Variants in HPS4 observed in about 807,000 individuals in gnomAD.
HPS4 encodes the protein HPS4 biogenesis of lysosomal organelles complex 3 subunit 2.
HPS4 carries 44 observed loss-of-function variants against 70.3 expected under a neutral mutation model. That is an observed-to-expected ratio of 0.63 (90% CI 0.49 to 0.80). The LOEUF is 0.80. Among genes scored for constraint, HPS4 ranks in the 30% least tolerant of loss-of-function variants. HPS4 has a pLI of 0.00. For missense variants in HPS4, 873 were observed against 884.4 expected, an observed-to-expected ratio of 0.99 and a Z score of 0.16; for synonymous variants, 377 against 355.9, an observed-to-expected ratio of 1.06 and a Z score of -0.67.
chr22:26,477,259 A>G, intron 3 of HPS4, 123 bp from the exon 4 acceptor site: 1 of 957,116 alleles, frequency 1.0e-6, no homozygotes, highest in Non-Finnish European at 1.7e-6. Context: ...TATGGCCTGT[A>G]AGCTAAGAAT....
chr22:26,449,621 G>A (rs1340656475), downstream of HPS4, among the ~76,000 whole-genome samples: 4 of 150,284 alleles, frequency 2.7e-5, no homozygotes, highest in South Asian at 2.1e-4. Context: ...GCGTCACACC[G>A]CGCCCATCCC....
chr22:26,460,718 G>C (rs1051655000), intron 11 of HPS4, among the ~76,000 whole-genome samples: 1 of 152,172 alleles, frequency 6.6e-6, no homozygotes, highest in African/African-American at 2.4e-5. Context: ...TACATACCAG[G>C]GGTCAGCAAA....
At chr22:26,464,867 G>T in intron 10 of HPS4, 41 bp from the exon 11 acceptor site, 2 of 1,544,118 alleles carry the variant, frequency 1.3e-6, no homozygotes, top group South Asian at 2.5e-5. Flanking sequence ...CACGTTGACA[G>T]ACTGCAGGGC....
intron 11 of HPS4, among the ~76,000 whole-genome samples, chr22:26,460,155 T>TG (rs1394936480): frequency 6.6e-6 from 1 of 152,248 alleles, no homozygotes; most frequent in East Asian, 1.9e-4. Context: ...GTCTGACTCC[T>TG]AGTAGGTGCT....
intron 11 of HPS4, among the ~76,000 whole-genome samples, chr22:26,461,983 G>A (rs1043526446): frequency 2.6e-5 from 4 of 151,978 alleles, no homozygotes; most frequent in Non-Finnish European, 5.9e-5. Flanking sequence ...AAAATTAGCC[G>A]GGCCTGGTGG....
At position 26,472,859 on chromosome 22, in the gene HPS4, G is replaced by A. The variant is rs767168755; in HGVS notation, c.357C>T (p.Tyr119=). 1 of 1,614,106 alleles carries A rather than the reference G, an allele frequency of 6.2e-7. No homozygotes were observed. Among genetic ancestry groups the A allele is most frequent in the Admixed American group, 1.7e-5 (1 of 60,016 alleles). The part of the protein sequence containing the change: ...LDQLVGFFNF[Y]NGPVSLAYEN... ...CATAAGCTAGGGAAACAGGTCCATT[G>A]TAAAAATTAAAGAATCCAACTAGCT... is the stretch of plus-strand genomic sequence containing the variant. Residue 119 remains tyrosine (Y), a synonymous_variant, in exon 5 of 14, where the codon TAC becomes TAT. Coordinates refer to ENST00000398145, the MANE Select transcript of HPS4 (RefSeq NM_022081.6).
intron 4 of HPS4, 199 bp downstream of exon 4, chr22:26,476,794 A>C: frequency 1.7e-6 from 1 of 604,700 alleles, no homozygotes; most frequent in Non-Finnish European, 2.9e-6. Flanking sequence ...GCAATGCAGA[A>C]TATGTTAGAA....
intron 5 of HPS4, 124 bp downstream of exon 5, chr22:26,472,708 C>T: frequency 1.2e-6 from 1 of 853,936 alleles, no homozygotes. Flanking sequence ...GAGCTCCTGA[C>T]CTTGTCCCCA....
At chr22:26,483,369 T>C (rs1191617870) in intron 1 of HPS4, among the ~76,000 whole-genome samples, 1 of 152,068 alleles carries the variant, frequency 6.6e-6, no homozygotes, top group Non-Finnish European at 1.5e-5. Context: ...TCTGGTAGCC[T>C]GGGAAGTAAT....
chr22:26,476,009 C>T (rs1055296788), intron 4 of HPS4: 3 of 151,940 alleles, frequency 2.0e-5, no homozygotes, highest in Admixed American at 6.6e-5. Flanking sequence ...CACCTCAGCA[C>T]TCCAGCCTGA....
Position 26,458,965 on chromosome 22 carries a change from GA to G in HPS4, c.1714-389del, listed in dbSNP as rs539270392. On this transcript the variant is annotated intron_variant, in intron 11 of 13. Coordinates refer to ENST00000398145, the MANE Select transcript of HPS4 (RefSeq NM_022081.6). ...TATATTGTAGGAGATTTAGAAAAGA[GA>G]TGAGCAAAAAAATAACAAGAAAACA... Among the ~76,000 whole-genome samples, 447 of 152,202 alleles carry G rather than the reference GA, an allele frequency of 2.9e-3. 2 individuals carry two copies. Among genetic ancestry groups the G allele is most frequent in the African/African-American group, 9.8e-3 (405 of 41,512 alleles).
intron 11 of HPS4, among the ~76,000 whole-genome samples, chr22:26,460,022 A>G (rs1036296045): frequency 2.0e-5 from 3 of 152,228 alleles, no homozygotes; most frequent in Admixed American, 1.3e-4. Flanking sequence ...TTTTGGGAGT[A>G]TATTGGTGTT....
chr22:26,473,328 T>A lies in HPS4; in HGVS notation c.277-389A>T, dbSNP rs557730778. On this transcript the variant is annotated intron_variant, in intron 4 of 13. Transcript: ENST00000398145. ...AGTAGATGTTTAATCTGGATTCCAT[T>A]ACAAACAATGGACAGGACTCAAACT... 3.9e-5 allele frequency among the ~76,000 whole-genome samples: 6 copies of A among 152,256 alleles called. No individual in the cohort carries two copies. In the South Asian group the frequency reaches 1.2e-3, roughly 32 times the overall value.
At chr22:26,458,138 C>A (rs990005233) in intron 12 of HPS4, among the ~76,000 whole-genome samples, 171 bp from the exon 13 acceptor site, 2 of 152,266 alleles carry the variant, frequency 1.3e-5, no homozygotes, top group African/African-American at 4.8e-5. Context: ...CGCCGCTGTG[C>A]GATGCAGCAC....
intron 6 of HPS4, among the ~76,000 whole-genome samples, chr22:26,471,988 C>A (rs1485111266): frequency 2.0e-5 from 3 of 152,178 alleles, no homozygotes; most frequent in African/African-American, 4.8e-5. Flanking sequence ...TCAAGAGAGG[C>A]GGCCTTCAGA....
chr22:26,445,861 T>C (rs1236688526), intron 3 of HPS4, among the ~76,000 whole-genome samples: 1 of 152,172 alleles, frequency 6.6e-6, no homozygotes, highest in East Asian at 1.9e-4. Flanking sequence ...AACATGTCCC[T>C]CAGTAGCTGT....
chr22:26,473,741 CAA>C (rs376818517), intron 4 of HPS4, among the ~76,000 whole-genome samples: 3 of 137,620 alleles, frequency 2.2e-5, no homozygotes, highest in Non-Finnish European at 3.2e-5. Context: ...GACACCGTCT[CAA>C]AAAAAAAAAA....
chr22:26,457,840 G>A lies in HPS4; in HGVS notation c.1955+19C>T, dbSNP rs914172192. The A allele has an allele frequency of 3.1e-6, 5 of 1,591,904 alleles. No homozygotes were observed. In the African/African-American group the frequency reaches 4.0e-5, roughly 13 times the overall value. On this transcript the variant is annotated intron_variant, in intron 13 of 13. Transcript: ENST00000398145. ...AGGACCGTGGAGAGTAGGTTGGGGA[G>A]CGACTCAGGGAGGCTCACCTGACAG...
intron 10 of HPS4, among the ~76,000 whole-genome samples, chr22:26,465,125 CTA>C (rs1463464192): frequency 2.6e-5 from 4 of 152,184 alleles, no homozygotes; most frequent in Non-Finnish European, 5.9e-5. Flanking sequence ...TGTACCTATA[CTA>C]TTTTCAAGTG....
Sources: gnomAD v4.1 joint callset for allele counts (sites outside exome capture counted in the v4.1 genomes callset) on GRCh38, gnomAD v4.1.1 for gene constraint, MANE v1.5 for transcripts, NCBI Gene and HGNC (gene_info 2026-07-23, HGNC 2026-07-21) for gene names.